The following ZNF385D variants were observed in gnomAD, a reference collection of about 807,000 sequenced individuals.
ZNF385D encodes the protein zinc finger protein 659.
Under a neutral mutation model 35.8 loss-of-function variants are expected in ZNF385D, and 15 were observed. The ratio of observed to expected loss-of-function variants is 0.42; its 90% CI spans 0.28 to 0.64. The LOEUF (loss-of-function observed/expected upper bound fraction) is 0.64, where lower values mean the gene tolerates loss of function less well. Ranked by LOEUF, ZNF385D falls within the 30% of genes least tolerant of loss-of-function variation. The pLI, the probability that ZNF385D is intolerant of heterozygous loss-of-function variation, is 0.23. For missense variants in ZNF385D, 474 were observed against 494.6 expected (o/e 0.96, Z 0.39); for synonymous variants, 212 against 186.8 (o/e 1.13, Z -1.10).
chr3:22,118,448 G>T (rs1445740676), intron 3 of ZNF385D, among the ~76,000 whole-genome samples: 1 of 152,076 alleles, frequency 6.6e-6, no homozygotes, highest in Non-Finnish European at 1.5e-5. Context: ...GGGAGGGAGT[G>T]AAAACATGGT....
At position 21,561,349 on chromosome 3, in the gene ZNF385D, G is replaced by A. The variant is rs116117509; in HGVS notation, c.276+3225C>T. Among the ~76,000 whole-genome samples, 1,431 of 152,234 alleles carry A rather than the reference G, an allele frequency of 9.4e-3. 18 individuals are homozygous for A. Among genetic ancestry groups the A allele is most frequent in the African/African-American group, 0.032 (1,346 of 41,530 alleles). ...AAAAGCACAGTATCTGGGCTGGAGCGCACAATTCCTCATGGCACAGTCCCT... is the reference window on the plus strand; with the variant it reads ...AAAAGCACAGTATCTGGGCTGGAGCACACAATTCCTCATGGCACAGTCCCT... On this transcript the variant is annotated intron_variant, in intron 3 of 7. Coordinates refer to ENST00000281523, the MANE Select transcript of ZNF385D (RefSeq NM_024697.3).
intron 4 of ZNF385D, among the ~76,000 whole-genome samples, chr3:21,446,952 T>A (rs149224559): frequency 2.0e-5 from 3 of 152,182 alleles, no homozygotes; most frequent in African/African-American, 7.2e-5. Flanking sequence ...TAAACTTTTC[T>A]CTCCCTAAAT....
intron 2 of ZNF385D, among the ~76,000 whole-genome samples, chr3:22,345,165 A>G (rs1374133237): frequency 6.6e-6 from 1 of 152,136 alleles, no homozygotes; most frequent in Admixed American, 6.5e-5. Context: ...CCATACTAAT[A>G]ATTTTAATAT....
At chr3:22,131,635 T>G (rs1009000433) in intron 3 of ZNF385D, among the ~76,000 whole-genome samples, 4 of 152,118 alleles carry the variant, frequency 2.6e-5, no homozygotes, top group Non-Finnish European at 5.9e-5. Context: ...GGAAGGCCAC[T>G]GCAAAGAGAA....
intron 2 of ZNF385D, among the ~76,000 whole-genome samples, chr3:22,293,843 G>C (rs1177900647): frequency 1.3e-5 from 2 of 152,066 alleles, no homozygotes; most frequent in African/African-American, 4.8e-5. Context: ...CTAGTGATCT[G>C]TTCCTGCAAT....
intron 1 of ZNF385D, among the ~76,000 whole-genome samples, chr3:21,717,323 T>G (rs1024150929): frequency 6.6e-6 from 1 of 152,206 alleles, no homozygotes; most frequent in African/African-American, 2.4e-5. Flanking sequence ...AGAAAAGGTA[T>G]GCACAGGAGG....
rs993465266 is a variant in ZNF385D, at chr3:22,060,698, G to T, written c.325+108119C>A. 3.3e-5 allele frequency among the ~76,000 whole-genome samples: 5 copies of T among 151,942 alleles called. No homozygotes were observed. In the East Asian group the frequency reaches 5.8e-4, roughly 18 times the overall value. On this transcript the variant is annotated intron_variant, in intron 3 of 5. Transcript: ENST00000494108. ...AGCATGAGGAAATGAAGTTTTAGAT[G>T]ATTAAAATTAAAGATATATAATATA... is the stretch of plus-strand genomic sequence containing the variant.
At chr3:21,728,507 T>C (rs1189622908) in intron 1 of ZNF385D, among the ~76,000 whole-genome samples, 1 of 152,172 alleles carries the variant, frequency 6.6e-6, no homozygotes, top group Non-Finnish European at 1.5e-5. Flanking sequence ...ACTTACCTTT[T>C]TGAAACAAAA....
intron 3 of ZNF385D, among the ~76,000 whole-genome samples, chr3:21,846,087 C>T (rs1190946194): frequency 2.0e-5 from 3 of 151,894 alleles, no homozygotes; most frequent in Admixed American, 2.0e-4. Flanking sequence ...CTGTGTCCAT[C>T]GGGGTCACAG....
chr3:22,188,230 T>C (rs1268052356), intron 2 of ZNF385D, among the ~76,000 whole-genome samples: 5 of 152,156 alleles, frequency 3.3e-5, no homozygotes, highest in African/African-American at 9.7e-5. Flanking sequence ...AGTAAAATGA[T>C]AGATTTGTAG....
chr3:21,553,703 C>T (rs553889667), intron 3 of ZNF385D, among the ~76,000 whole-genome samples: 14 of 152,150 alleles, frequency 9.2e-5, no homozygotes, highest in African/African-American at 3.1e-4. Flanking sequence ...TCAATCCTCC[C>T]AAAGCCTGCC....
intron 3 of ZNF385D, among the ~76,000 whole-genome samples, chr3:21,924,851 C>G (rs913894004): frequency 6.6e-6 from 1 of 151,986 alleles, no homozygotes; most frequent in Admixed American, 6.6e-5. Flanking sequence ...CAACTGAGGC[C>G]CATTGGGAAA....
chr3:22,031,720 T>C (rs1345437683), intron 3 of ZNF385D, among the ~76,000 whole-genome samples: 1 of 152,100 alleles, frequency 6.6e-6, no homozygotes, highest in African/African-American at 2.4e-5. Flanking sequence ...TGCCTTCTTG[T>C]TACTTATGCA....
chr3:21,886,312 C>T (rs770768911), intron 3 of ZNF385D, among the ~76,000 whole-genome samples: 3 of 151,782 alleles, frequency 2.0e-5, no homozygotes, highest in African/African-American at 4.8e-5. Flanking sequence ...GTACTTAATT[C>T]GCTGCACAGT....
chr3:21,862,021 T>C (rs1050374975), intron 3 of ZNF385D, among the ~76,000 whole-genome samples: 3 of 152,150 alleles, frequency 2.0e-5, no homozygotes, highest in Admixed American at 2.0e-4. Context: ...TCTGGTCATA[T>C]GAGCTAAATA....
chr3:21,788,950 A>G (rs1452575259), intron 3 of ZNF385D, among the ~76,000 whole-genome samples: 4 of 152,208 alleles, frequency 2.6e-5, no homozygotes, highest in African/African-American at 9.6e-5. Context: ...GCATGAGGAC[A>G]GAAGAACAAA....
chr3:21,426,425 A>G (rs554175294), intron 5 of ZNF385D, among the ~76,000 whole-genome samples: 4 of 152,192 alleles, frequency 2.6e-5, no homozygotes, highest in Non-Finnish European at 4.4e-5. Flanking sequence ...TCTGATTGTC[A>G]ACCGTTAACA....
chr3:21,936,365 T>C (rs17010304), intron 3 of ZNF385D, among the ~76,000 whole-genome samples: 83,347 of 151,700 alleles, frequency 0.55, 24,581 homozygotes, highest in South Asian at 0.66. Context: ...TAAAGTAGTG[T>C]GAGCATATTA....
intron 3 of ZNF385D, among the ~76,000 whole-genome samples, chr3:21,928,493 T>G (rs1025034118): frequency 6.6e-6 from 1 of 152,134 alleles, no homozygotes; most frequent in African/African-American, 2.4e-5. Flanking sequence ...ATGACATCTA[T>G]AGAACTCTCC....
Sources: allele counts gnomAD v4.1 joint callset (sites outside exome capture counted in the v4.1 genomes callset), GRCh38; gene constraint gnomAD v4.1.1; transcripts MANE v1.5; gene names NCBI Gene and HGNC (gene_info 2026-07-23, HGNC 2026-07-21).